The following BMPR2 variants were observed in gnomAD, a reference collection of about 807,000 sequenced individuals.
BMPR2 encodes bone morphogenetic protein receptor type 2.
Under a neutral mutation model 100.8 loss-of-function variants are expected in BMPR2, and 29 were observed. The ratio of observed to expected loss-of-function variants is 0.29; its 90% CI spans 0.21 to 0.39. The LOEUF (loss-of-function observed/expected upper bound fraction) is 0.39, where lower values mean the gene tolerates loss of function less well. Ranked by LOEUF, BMPR2 falls within the 10% of genes least tolerant of loss-of-function variation. The pLI, the probability that BMPR2 is intolerant of heterozygous loss-of-function variation, is 1.00. For synonymous variants in BMPR2, 382 were observed against 442.3 expected (o/e 0.86, Z 1.71); for missense variants, 1,011 against 1,274.5 (o/e 0.79, Z 3.15).
At chr2:202,511,540 G>A (rs1433180458) in intron 3 of BMPR2, among the ~76,000 whole-genome samples, 1 of 152,008 alleles carries the variant, frequency 6.6e-6, no homozygotes, top group African/African-American at 2.4e-5. Context: ...ATGTACAAGA[G>A]TTATAATTTA....
intron 3 of BMPR2, among the ~76,000 whole-genome samples, chr2:202,478,946 A>G (rs566130589): frequency 6.6e-6 from 1 of 152,092 alleles, no homozygotes; most frequent in Non-Finnish European, 1.5e-5. Flanking sequence ...TAAAAATAAA[A>G]AAGAAGAAAA....
intron 12 of BMPR2, among the ~76,000 whole-genome samples, chr2:202,558,702 T>C (rs1488357266): frequency 6.6e-6 from 1 of 151,594 alleles, no homozygotes; most frequent in Non-Finnish European, 1.5e-5. Flanking sequence ...GAGACCAACC[T>C]GACCAACATG....
Position 202,564,119 on chromosome 2 carries a change from A to G in BMPR2, c.*4173A>G, listed in dbSNP as rs967863477. 2 of 152,218 alleles carry G rather than the reference A, an allele frequency of 1.3e-5. No homozygotes were observed. Among genetic ancestry groups the G allele is most frequent in the Non-Finnish European group, 2.9e-5 (2 of 68,026 alleles). The allele number at this position is 152,218 out of a possible 1,614,324, so 9.4% of individuals were successfully genotyped here. ...GGAATTGGTAGGCTGTAGCTGTTAC[A>G]CTGAAATTTCTAGTCTTTGTAAGTG... On this transcript the variant is annotated 3_prime_UTR_variant, in exon 13 of 13. Coordinates refer to ENST00000374580, the MANE Select transcript of BMPR2 (RefSeq NM_001204.7).
chr2:202,541,196 C>T (rs1467530719), intron 9 of BMPR2, among the ~76,000 whole-genome samples: 2 of 151,928 alleles, frequency 1.3e-5, no homozygotes, highest in African/African-American at 4.8e-5. Context: ...ATCTCAGCAC[C>T]TTGGGAGGCT....
intron 1 of BMPR2, among the ~76,000 whole-genome samples, chr2:202,459,734 GCAAAAGCAAAACAAAAAA>G (rs1692189408): frequency 1.3e-5 from 2 of 152,070 alleles, no homozygotes; most frequent in Non-Finnish European, 2.9e-5. Context: ...TGCAACAAAA[GCAAAAGCAAAACAAAAAA>G]CAAAAGCAAA....
At chr2:202,513,675 C>T (rs761580988) in intron 3 of BMPR2, 44 bp from the exon 4 acceptor site, 2 of 1,471,270 alleles carry the variant, frequency 1.4e-6, no homozygotes, top group East Asian at 4.6e-5. Context: ...TAACAAAATA[C>T]TTTTTTAAAA....
chr2:202,437,339 C>T (rs1691635258), intron 1 of BMPR2, among the ~76,000 whole-genome samples: 1 of 150,674 alleles, frequency 6.6e-6, no homozygotes, highest in African/African-American at 2.5e-5. Context: ...GGAATTTCAA[C>T]CTGACCATTT....
In BMPR2 at chr2:202,559,927, T is replaced by C. The variant is rs768727789; in HGVS notation, c.3098T>C (p.Ile1033Thr). 11 of 1,613,962 alleles carry C rather than the reference T, an allele frequency of 6.8e-6. No individual in the cohort carries two copies. The highest frequency in any genetic ancestry group is 2.2e-5 in the South Asian group (2 of 91,088). ...GTATTMVSKD[I>T]GMNCL ...GCTACAACCATGGTGTCTAAAGATATAGGAATGAACTGTCTGTGAAATGTT... is the reference window on the plus strand; with the variant it reads ...GCTACAACCATGGTGTCTAAAGATACAGGAATGAACTGTCTGTGAAATGTT... The change falls in exon 13 of 13, where the codon ATA (isoleucine) becomes ACA (threonine). Residue 1033 changes from isoleucine (I) to threonine (T), a missense_variant. Ile to Thr is a moderately conservative substitution (Grantham distance 89, BLOSUM62 -1). Coordinates refer to ENST00000374580, the MANE Select transcript of BMPR2 (RefSeq NM_001204.7).
intron 3 of BMPR2, among the ~76,000 whole-genome samples, chr2:202,502,123 A>G (rs1286112818): frequency 6.6e-6 from 1 of 152,290 alleles, no homozygotes; most frequent in African/African-American, 2.4e-5. Flanking sequence ...ATGTGTATAC[A>G]GATAGCAAGT....
chr2:202,481,281 C>T (rs913683188), intron 3 of BMPR2, among the ~76,000 whole-genome samples: 6 of 152,060 alleles, frequency 3.9e-5, no homozygotes, highest in Admixed American at 3.9e-4. Context: ...CAGGTTCAAG[C>T]AATTCTCCTG....
intron 2 of BMPR2, chr2:202,466,980 GC>G (rs1486777673): frequency 6.1e-6 from 1 of 162,628 alleles, no homozygotes; most frequent in Non-Finnish European, 1.3e-5. Flanking sequence ...TCTTCGATTA[GC>G]TGGGTGCAGT....
chr2:202,385,983 CT>C lies in BMPR2; in HGVS notation c.76+8441del, dbSNP rs146853244. 6.4e-3 allele frequency among the ~76,000 whole-genome samples: 965 copies of C among 151,950 alleles called. 15 individuals carry two copies. Among genetic ancestry groups the C allele is most frequent in the African/African-American group, 0.022 (901 of 41,466 alleles). On this transcript the variant is annotated intron_variant, in intron 1 of 12. Transcript: ENST00000374580. ...ATCTGTAGCATGAGCCAATTTAATC[CT>C]TTTTTTTCATCCTTCAAGTACTTTC...
chr2:202,559,230 A>T (rs1310900098), intron 12 of BMPR2, among the ~76,000 whole-genome samples: 2 of 151,994 alleles, frequency 1.3e-5, no homozygotes, highest in Non-Finnish European at 1.5e-5. Context: ...TGAGCCCGGG[A>T]AACAGAGGTT....
At chr2:202,491,748 T>A (rs1692907066) in intron 3 of BMPR2, among the ~76,000 whole-genome samples, 1 of 152,182 alleles carries the variant, frequency 6.6e-6, no homozygotes, top group Non-Finnish European at 1.5e-5. Flanking sequence ...TGCTGACTAC[T>A]GCCTCTAGTG....
In BMPR2 at chr2:202,495,154, C is replaced by T. The variant is rs1303638498; in HGVS notation, c.419-18565C>T. 5.9e-5 allele frequency among the ~76,000 whole-genome samples: 9 copies of T among 152,202 alleles called. No individual in the cohort carries two copies. Among genetic ancestry groups the T allele is most frequent in the African/African-American group, 1.9e-4 (8 of 41,450 alleles). ...GCTTGTGTTAGCTCAATTAGACCCC[C>T]TTCCTTATCACAAGGACAGAGGGAT... is the stretch of plus-strand genomic sequence containing the variant. On this transcript the variant is annotated intron_variant, in intron 3 of 12. Coordinates refer to ENST00000374580, the MANE Select transcript of BMPR2 (RefSeq NM_001204.7). The surrounding 1 kb of genome is among the most constrained non-coding windows in gnomAD (Gnocchi z 4.5).
intron 1 of BMPR2, among the ~76,000 whole-genome samples, chr2:202,427,459 T>G (rs1404191429): frequency 6.6e-6 from 1 of 150,866 alleles, no homozygotes; most frequent in African/African-American, 2.4e-5. Flanking sequence ...AAGCAAACAG[T>G]GCTTTTGTGG....
At chr2:202,427,899 A>G (rs1479784975) in intron 1 of BMPR2, among the ~76,000 whole-genome samples, 2 of 152,068 alleles carry the variant, frequency 1.3e-5, no homozygotes, top group Non-Finnish European at 2.9e-5. Flanking sequence ...GGATCACTTG[A>G]GCCTGGGAGG....
intron 1 of BMPR2, among the ~76,000 whole-genome samples, chr2:202,414,841 G>T (rs1273746623): frequency 6.6e-6 from 1 of 152,034 alleles, no homozygotes; most frequent in Non-Finnish European, 1.5e-5. Context: ...CTGGGTTCAA[G>T]CAATTCTCCT....
intron 1 of BMPR2, among the ~76,000 whole-genome samples, chr2:202,385,441 C>T (rs1385098430): frequency 2.8e-5 from 4 of 141,028 alleles, no homozygotes; most frequent in African/African-American, 7.9e-5. Context: ...TCTCGGCTCA[C>T]GACAACCTCC....
Sources: gnomAD v4.1 joint callset for allele counts (sites outside exome capture counted in the v4.1 genomes callset) on GRCh38, gnomAD v4.1.1 for gene constraint, Gnocchi (gnomAD v3.1) non-coding constraint, MANE v1.5 for transcripts, NCBI Gene and HGNC (gene_info 2026-07-23, HGNC 2026-07-21) for gene names.